Variants in SLC38A4 observed in about 807,000 individuals in gnomAD.
SLC38A4 encodes the protein solute carrier family 38 member 4.
Under a neutral mutation model 63.1 loss-of-function variants are expected in SLC38A4, and 20 were observed. The observed-to-expected ratio is 0.32, with a 90% CI of 0.22 to 0.46. SLC38A4 has a LOEUF of 0.46. SLC38A4 is among the 20% of genes least tolerant of loss of function. The pLI is 1.00. For synonymous variants in SLC38A4, 230 were observed against 225.5 expected, an observed-to-expected ratio of 1.02 and a Z score of -0.18; for missense variants, 526 against 663.6, an observed-to-expected ratio of 0.79 and a Z score of 2.28.
intron 1 of SLC38A4, among the ~76,000 whole-genome samples, chr12:46,814,593 A>G (rs149327688): frequency 1.3e-3 from 195 of 152,084 alleles, no homozygotes; most frequent in African/African-American, 4.3e-3. Flanking sequence ...ACACTGTACC[A>G]TTTGATGTTG....
intron 1 of SLC38A4, among the ~76,000 whole-genome samples, chr12:46,823,360 T>C (rs1392745733): frequency 3.9e-5 from 6 of 152,234 alleles, no homozygotes; most frequent in Non-Finnish European, 8.8e-5. Context: ...TAATGTTTAC[T>C]TAAAATAAAA....
chr12:46,790,082 C>A (rs1268082613), intron 3 of SLC38A4, among the ~76,000 whole-genome samples: 24 of 151,034 alleles, frequency 1.6e-4, no homozygotes, highest in African/African-American at 5.9e-4. Context: ...CTGTCTGTCT[C>A]AATAAATAAA....
chr12:46,805,139 C>A (rs779028524), intron 1 of SLC38A4, among the ~76,000 whole-genome samples: 1 of 151,762 alleles, frequency 6.6e-6, no homozygotes, highest in Non-Finnish European at 1.5e-5. Flanking sequence ...ATGTATAGAT[C>A]GTTAAAGTTT....
chr12:46,786,758 G>C (rs1938769783), intron 5 of SLC38A4, among the ~76,000 whole-genome samples: 1 of 152,208 alleles, frequency 6.6e-6, no homozygotes, highest in Admixed American at 6.6e-5. Context: ...ACATAAAAGA[G>C]TTCAATCAAA....
upstream of SLC38A4, among the ~76,000 whole-genome samples, chr12:46,826,288 C>T (rs539277978): frequency 2.6e-5 from 4 of 152,148 alleles, no homozygotes; most frequent in African/African-American, 9.6e-5. Flanking sequence ...AGGACAAACA[C>T]AGGGTGGGTA....
intron 2 of SLC38A4, among the ~76,000 whole-genome samples, chr12:46,801,349 T>C (rs986384560): frequency 6.6e-6 from 1 of 152,142 alleles, no homozygotes. Context: ...AAATTTTACC[T>C]GTATGGTTCA....
chr12:46,831,096 T>G (rs975031516), intron 1 of SLC38A4, among the ~76,000 whole-genome samples: 5 of 152,186 alleles, frequency 3.3e-5, no homozygotes, highest in African/African-American at 1.2e-4. Flanking sequence ...CTTCCATCTC[T>G]GCCTGCTGGA....
At chr12:46,795,507 T>G (rs1938984702) in intron 2 of SLC38A4, among the ~76,000 whole-genome samples, 1 of 152,112 alleles carries the variant, frequency 6.6e-6, no homozygotes, top group South Asian at 2.1e-4. Flanking sequence ...CTGAATGGCT[T>G]CCTCCTCCAA....
At chr12:46,805,996 C>A (rs1417112494) in intron 1 of SLC38A4, among the ~76,000 whole-genome samples, 3 of 151,570 alleles carry the variant, frequency 2.0e-5, no homozygotes, top group African/African-American at 7.3e-5. Context: ...CTCCAGGACT[C>A]CAGGAAATAA....
rs1426333335 is a variant in SLC38A4 at position 46,776,987 on chromosome 12, AT to A, written c.1090del (p.Met364CysfsTer25). Reference protein sequence around the residue: ...SELKDRSRRKMQTVSNISITG... With the variant: ...SELKDRSRRKXQTVSNISITG... Reference sequence around the variant, plus strand: ...GATGGAAATATTTGACACCGTTTGCATTTTTCTCCGGGACCGACTGGAAAAA... The same window carrying A: ...GATGGAAATATTTGACACCGTTTGCATTTTCTCCGGGACCGACTGGAAAAA... On this transcript the variant is annotated frameshift_variant, in exon 13 of 17. Coordinates refer to ENST00000266579, the MANE Select transcript of SLC38A4 (RefSeq NM_018018.5). LOFTEE classifies it high-confidence loss of function. The A allele has an allele frequency of 6.2e-7, 1 of 1,611,712 alleles. No homozygotes were observed. Among genetic ancestry groups the A allele is most frequent in the Non-Finnish European group, 8.5e-7 (1 of 1,178,566 alleles).
rs367810797 is a variant in SLC38A4 at position 46,779,842 on chromosome 12, T to G, written c.596A>C (p.Asn199Thr). ...AACAGACACAAATATGATGAGGTAG[T>G]TGCCATTGAGGTACCATTCTCTAGA... ...ENTGEWYLNGNYLIIFVSVGI... is the reference protein window; with the variant it reads ...ENTGEWYLNGTYLIIFVSVGI... Residue 199 changes from asparagine to threonine, a missense_variant, in exon 9 of 17, where the codon AAC becomes ACC. Physicochemically the swap from Asn to Thr is moderately conservative, Grantham distance 65. Coordinates refer to ENST00000266579, the MANE Select transcript of SLC38A4 (RefSeq NM_018018.5). The G allele has an allele frequency of 6.2e-7, 1 of 1,612,300 alleles. No individual in the cohort carries two copies. Among genetic ancestry groups the G allele is most frequent in the Non-Finnish European group, 8.5e-7 (1 of 1,179,086 alleles).
Position 46,773,583 on chromosome 12 carries a change from G to C in SLC38A4, c.1299+1466C>G, listed in dbSNP as rs149310964. On this transcript the variant is annotated intron_variant, in intron 14 of 16. Transcript: ENST00000266579. ...TCCTGATGGTCAGATTTATATCAGTGCTTTATTTCTCACATAGGGTAAGAA... is the reference window on the plus strand; with the variant it reads ...TCCTGATGGTCAGATTTATATCAGTCCTTTATTTCTCACATAGGGTAAGAA... Among the ~76,000 whole-genome samples the C allele has an allele frequency of 7.4e-4, 112 of 152,128 alleles. 1 individual carries two copies. Among genetic ancestry groups the C allele is most frequent in the African/African-American group, 2.7e-3 (111 of 41,530 alleles).
Position 46,787,966 on chromosome 12 carries a change from C to T in SLC38A4, c.276G>A (p.Gly92=). The part of the protein sequence containing the change: ...FNLSNAIMGS[G]ILGLSYAMAN... ...CCATGGCATAGGACAAGCCCAGGATCCCACTGCCCATGATGGCATTACTCA... is the reference window on the plus strand; with the variant it reads ...CCATGGCATAGGACAAGCCCAGGATTCCACTGCCCATGATGGCATTACTCA... Residue 92 remains glycine, a synonymous_variant, in exon 5 of 17, where the codon GGG becomes GGA. Transcript: ENST00000266579. 1.2e-6 allele frequency: 2 copies of T among 1,613,886 alleles called. No individual in the cohort carries two copies. Among genetic ancestry groups the T allele is most frequent in the Non-Finnish European group, 1.7e-6 (2 of 1,179,840 alleles).
At chr12:46,785,772 G>A (rs1460645746) in intron 5 of SLC38A4, among the ~76,000 whole-genome samples, 1 of 104,600 alleles carries the variant, frequency 9.6e-6, no homozygotes, top group Admixed American at 1.3e-4. Flanking sequence ...TGCATTCAGA[G>A]TTATTTCTGG....
chr12:46,781,810 G>A (rs1938648342), intron 7 of SLC38A4, among the ~76,000 whole-genome samples: 1 of 151,950 alleles, frequency 6.6e-6, no homozygotes, highest in Non-Finnish European at 1.5e-5. Context: ...AACCACAGCT[G>A]AGGTGCTGCC....
In SLC38A4 at chr12:46,813,355, T is replaced by C. The variant is rs145891326; in HGVS notation, c.-304-9561A>G. Among the ~76,000 whole-genome samples the C allele has an allele frequency of 2.8e-3, 433 of 152,136 alleles. 2 individuals are homozygous for C. The highest frequency in any genetic ancestry group is 0.01 in the African/African-American group (423 of 41,542). On this transcript the variant is annotated intron_variant, in intron 1 of 16. Transcript: ENST00000266579. ...TTTCATCCTGTGTTCAGATGCTATG[T>C]TCCTCTAAGTTCGTTATTGTTTTCT...
chr12:46,772,985 T>C (rs185599272), intron 14 of SLC38A4, among the ~76,000 whole-genome samples: 35 of 152,140 alleles, frequency 2.3e-4, no homozygotes, highest in African/African-American at 8.4e-4. Flanking sequence ...AGCCCTAAGT[T>C]ATACGAAATA....
rs754616642 is a variant in SLC38A4, at chr12:46,766,846, T to C, written c.1543-44A>G. ...CTGTTAGGAGCACAGAAACCATACT[T>C]AGTACAATTTGTTTTTTAGTTGTTT... On this transcript the variant is annotated intron_variant, in intron 16 of 16. Transcript: ENST00000266579. 9 of 1,365,782 alleles carry C rather than the reference T, an allele frequency of 6.6e-6. No individual in the cohort carries two copies. The Admixed American group carries it at 1.7e-4, about 26-fold the overall frequency. 84.6% of individuals were successfully genotyped at this position (1,365,782 alleles called of 1,614,324 possible).
intron 1 of SLC38A4, among the ~76,000 whole-genome samples, chr12:46,807,648 T>C (rs928520395): frequency 1.3e-5 from 2 of 151,868 alleles, no homozygotes; most frequent in African/African-American, 4.8e-5. Flanking sequence ...AAAAGAAAAA[T>C]AGAGAAAATC....
Sources: gnomAD v4.1 joint callset for allele counts (sites outside exome capture counted in the v4.1 genomes callset) on GRCh38, gnomAD v4.1.1 for gene constraint, MANE v1.5 for transcripts, NCBI Gene and HGNC (gene_info 2026-07-23, HGNC 2026-07-21) for gene names.